Variants in TMEM132D observed in about 807,000 individuals in gnomAD.
TMEM132D encodes mature OL transmembrane protein.
TMEM132D carries 21 observed loss-of-function variants against 62.3 expected under a neutral mutation model. The ratio of observed to expected loss-of-function variants is 0.34; its 90% CI spans 0.24 to 0.49. The LOEUF (loss-of-function observed/expected upper bound fraction) is 0.49, where lower values mean the gene tolerates loss of function less well. Ranked by LOEUF, TMEM132D falls within the 20% of genes least tolerant of loss-of-function variation. The pLI is 0.99. For missense variants in TMEM132D, 1,346 were observed against 1,402.8 expected, an observed-to-expected ratio of 0.96 and a Z score of 0.65; for synonymous variants, 621 against 575.6, an observed-to-expected ratio of 1.08 and a Z score of -1.13.
chr12:129,848,365 A>C (rs1171199954), intron 1 of TMEM132D, among the ~76,000 whole-genome samples: 2 of 152,188 alleles, frequency 1.3e-5, no homozygotes, highest in East Asian at 1.9e-4. Flanking sequence ...CAGAAGTGAC[A>C]ATTTTTCTTC....
At chr12:129,504,527 T>A (rs985831108) in intron 3 of TMEM132D, among the ~76,000 whole-genome samples, 3 of 152,200 alleles carry the variant, frequency 2.0e-5, no homozygotes, top group African/African-American at 7.2e-5. Context: ...GTATTCATAG[T>A]AGCCTTGAAT....
At chr12:129,813,887 C>G (rs1593172168) in intron 1 of TMEM132D, among the ~76,000 whole-genome samples, 1 of 152,042 alleles carries the variant, frequency 6.6e-6, no homozygotes, top group Admixed American at 6.6e-5. Flanking sequence ...ACGTGTTTAT[C>G]TAAAACCATA....
At chr12:129,177,195 G>C (rs761393125) in intron 5 of TMEM132D, among the ~76,000 whole-genome samples, 5 of 152,164 alleles carry the variant, frequency 3.3e-5, no homozygotes, top group African/African-American at 7.2e-5. Flanking sequence ...TTATGACTTA[G>C]ATTTTGAAGT....
At chr12:129,701,696 A>G (rs966233170) in intron 1 of TMEM132D, among the ~76,000 whole-genome samples, 2 of 152,212 alleles carry the variant, frequency 1.3e-5, no homozygotes, top group East Asian at 3.8e-4. Flanking sequence ...CCAAAGAACC[A>G]ATTTAAGGAG....
At chr12:129,389,161 C>A (rs923504142) in intron 3 of TMEM132D, among the ~76,000 whole-genome samples, 5 of 151,746 alleles carry the variant, frequency 3.3e-5, no homozygotes, top group African/African-American at 1.2e-4. Context: ...AACACTAACA[C>A]CAACACTAAC....
At chr12:129,324,004 T>C (rs1868813927) in intron 4 of TMEM132D, among the ~76,000 whole-genome samples, 1 of 152,198 alleles carries the variant, frequency 6.6e-6, no homozygotes, top group Non-Finnish European at 1.5e-5. Context: ...ACCATATCTG[T>C]CCTGTGATTT....
chr12:129,137,144 ATTGT>A (rs1876602889), intron 5 of TMEM132D, among the ~76,000 whole-genome samples: 5 of 32,748 alleles, frequency 1.5e-4, no homozygotes, highest in African/African-American at 3.1e-4. Context: ...CATCACTATC[ATTGT>A]CATCACTATC....
At chr12:129,137,257 C>T (rs991140132) in intron 5 of TMEM132D, among the ~76,000 whole-genome samples, 2 of 151,702 alleles carry the variant, frequency 1.3e-5, no homozygotes, top group African/African-American at 2.4e-5. Flanking sequence ...TTATCACCAC[C>T]ATCAACATCA....
At chr12:129,121,589 C>T (rs914201298) in intron 5 of TMEM132D, among the ~76,000 whole-genome samples, 9 of 152,050 alleles carry the variant, frequency 5.9e-5, no homozygotes, top group Admixed American at 1.3e-4. Context: ...GAATGGGGCC[C>T]CCGAGCCCAG....
chr12:129,826,938 T>C (rs2137329971), intron 1 of TMEM132D, among the ~76,000 whole-genome samples: 1 of 152,384 alleles, frequency 6.6e-6, no homozygotes, highest in Admixed American at 6.5e-5. Context: ...AGTTTGATGA[T>C]GTCTTTTCTC....
chr12:129,233,542 G>A (rs1282215880), intron 4 of TMEM132D, among the ~76,000 whole-genome samples: 1 of 152,172 alleles, frequency 6.6e-6, no homozygotes, highest in East Asian at 1.9e-4. Context: ...AAAGAACAAG[G>A]TGATTATGTC....
intron 4 of TMEM132D, among the ~76,000 whole-genome samples, chr12:129,281,722 A>G (rs879740774): frequency 5.9e-5 from 9 of 152,164 alleles, no homozygotes; most frequent in Non-Finnish European, 1.3e-4. Context: ...ATCCACTGTG[A>G]AAGCTGGATG....
At chr12:129,476,736 GAT>G (rs1278214005) in intron 3 of TMEM132D, among the ~76,000 whole-genome samples, 2 of 152,224 alleles carry the variant, frequency 1.3e-5, no homozygotes, top group Non-Finnish European at 2.9e-5. Context: ...AGGATGCTCA[GAT>G]CCATTAAATG....
chr12:129,450,929 A>G (rs1566072703), intron 3 of TMEM132D, among the ~76,000 whole-genome samples: 1 of 150,064 alleles, frequency 6.7e-6, no homozygotes, highest in Non-Finnish European at 1.5e-5. Flanking sequence ...ACACCTGGCT[A>G]ATTTTTGTAA....
chr12:129,088,031 GGGGTGTCCTCTATGACC>G (rs1565959608), intron 5 of TMEM132D, among the ~76,000 whole-genome samples: 9 of 54,866 alleles, frequency 1.6e-4, no homozygotes, highest in African/African-American at 5.1e-4. Flanking sequence ...CTCCATGACC[GGGGTGTCCTCTATGACC>G]GGGTGTCCTC....
intron 1 of TMEM132D, among the ~76,000 whole-genome samples, chr12:129,873,587 G>C (rs1378777751): frequency 6.6e-6 from 1 of 152,180 alleles, no homozygotes; most frequent in African/African-American, 2.4e-5. Context: ...TGGGCACAAA[G>C]AATGGATCTG....
At chr12:129,571,652 G>A (rs1312360800) in intron 2 of TMEM132D, among the ~76,000 whole-genome samples, 1 of 152,020 alleles carries the variant, frequency 6.6e-6, no homozygotes, top group Non-Finnish European at 1.5e-5. Context: ...AGCAGAAGTG[G>A]CTTGCATGTG....
chr12:129,641,374 CCTGT>C (rs1163659240), intron 2 of TMEM132D, among the ~76,000 whole-genome samples: 4 of 152,138 alleles, frequency 2.6e-5, no homozygotes, highest in Non-Finnish European at 5.9e-5. Flanking sequence ...GAGCAACCAC[CCTGT>C]CTATTTCAGC....
At chr12:129,104,985 CGATTCCTCAGG>C (rs1285015344) in intron 5 of TMEM132D, among the ~76,000 whole-genome samples, 5 of 146,338 alleles carry the variant, frequency 3.4e-5, no homozygotes, top group African/African-American at 7.9e-5. Flanking sequence ...GTCAGTGTGG[CGATTCCTCAGG>C]GATCTAGAAC....
Sources: gnomAD v4.1 joint callset for allele counts (sites outside exome capture counted in the v4.1 genomes callset) on GRCh38, gnomAD v4.1.1 for gene constraint, MANE v1.5 for transcripts, NCBI Gene and HGNC (gene_info 2026-07-23, HGNC 2026-07-21) for gene names.